Variants in ZNF804B observed in about 807,000 individuals in gnomAD.
ZNF804B encodes zinc finger protein 804B.
ZNF804B carries 80 observed loss-of-function variants against 101.4 expected under a neutral mutation model. That is an observed-to-expected ratio of 0.79 (90% CI 0.66 to 0.95). The LOEUF is 0.95. Ranked by LOEUF, ZNF804B falls within the 40% of genes least tolerant of loss-of-function variation. The pLI, the probability that ZNF804B is intolerant of heterozygous loss-of-function variation, is 0.00. For missense variants in ZNF804B, 1,673 were observed against 1,561.9 expected, an observed-to-expected ratio of 1.07 and a Z score of -1.20; for synonymous variants, 622 against 558.8, an observed-to-expected ratio of 1.11 and a Z score of -1.59.
rs904614902 is a variant in ZNF804B, at chr7:88,870,437, G to A, written c.108+110353G>A. Among the ~76,000 whole-genome samples, 10 of 149,180 alleles carry A rather than the reference G, an allele frequency of 6.7e-5. No individual in the cohort carries two copies. In the East Asian group the frequency reaches 1.2e-3, roughly 18 times the overall value. ...GGTGATTGGAAAACAGCCACTTCCC[G>A]GTTGTCTTAGATGAAATTCCAAGAT... On this transcript the variant is annotated intron_variant, in intron 1 of 3. Transcript: ENST00000333190.
At chr7:88,893,937 C>T (rs1203462776) in intron 1 of ZNF804B, among the ~76,000 whole-genome samples, 1 of 151,922 alleles carries the variant, frequency 6.6e-6, no homozygotes, top group Non-Finnish European at 1.5e-5. Flanking sequence ...AATAAGGAAA[C>T]ATCATGGAAA....
At chr7:89,164,497 GAGA>G (rs1267781449) in intron 1 of ZNF804B, among the ~76,000 whole-genome samples, 1 of 152,016 alleles carries the variant, frequency 6.6e-6, no homozygotes, top group East Asian at 1.9e-4. Context: ...AGCTCACAGG[GAGA>G]AGAACTCAGG....
intron 1 of ZNF804B, among the ~76,000 whole-genome samples, chr7:89,115,997 C>A (rs530834304): frequency 6.6e-6 from 1 of 151,638 alleles, no homozygotes; most frequent in Non-Finnish European, 1.5e-5. Context: ...TTCGACCTCC[C>A]GGGCTCAGAT....
At chr7:89,309,272 C>T (rs1163093926) in intron 2 of ZNF804B, among the ~76,000 whole-genome samples, 2 of 152,114 alleles carry the variant, frequency 1.3e-5, no homozygotes, top group Non-Finnish European at 2.9e-5. Flanking sequence ...TGCGTTAATT[C>T]ACTTAGGATG....
chr7:89,126,345 C>T (rs563033715), intron 1 of ZNF804B, among the ~76,000 whole-genome samples: 36 of 151,976 alleles, frequency 2.4e-4, no homozygotes, highest in African/African-American at 8.4e-4. Flanking sequence ...AAACCACAGC[C>T]ATGGGAGAAA....
At chr7:88,932,536 T>A (rs1792902178) in intron 1 of ZNF804B, among the ~76,000 whole-genome samples, 1 of 151,696 alleles carries the variant, frequency 6.6e-6, no homozygotes, top group Non-Finnish European at 1.5e-5. Flanking sequence ...ATGATCCAAA[T>A]GAGCTCAATT....
intron 2 of ZNF804B, among the ~76,000 whole-genome samples, chr7:89,291,151 C>T (rs1790283717): frequency 6.6e-6 from 1 of 152,048 alleles, no homozygotes; most frequent in Non-Finnish European, 1.5e-5. Flanking sequence ...AAAAATCTTC[C>T]CAAGAAGGGC....
intron 1 of ZNF804B, among the ~76,000 whole-genome samples, chr7:88,769,311 T>C (rs527721491): frequency 6.6e-6 from 1 of 152,354 alleles, no homozygotes; most frequent in Admixed American, 6.5e-5. Context: ...ATGCAGACTA[T>C]TCTACTGATG....
intron 1 of ZNF804B, among the ~76,000 whole-genome samples, chr7:88,898,386 A>G (rs996491211): frequency 3.3e-5 from 5 of 151,704 alleles, no homozygotes; most frequent in African/African-American, 1.2e-4. Context: ...GCGCCCGGCC[A>G]GTTCTCCATT....
At chr7:89,206,782 A>G (rs887092463) in intron 1 of ZNF804B, among the ~76,000 whole-genome samples, 1 of 152,072 alleles carries the variant, frequency 6.6e-6, no homozygotes, top group Non-Finnish European at 1.5e-5. Context: ...AAACAAACCC[A>G]CAAAAATGAA....
At chr7:89,084,851 G>T (rs997753819) in intron 1 of ZNF804B, among the ~76,000 whole-genome samples, 1 of 151,570 alleles carries the variant, frequency 6.6e-6, no homozygotes, top group Admixed American at 6.6e-5. Context: ...ATTCGGACTG[G>T]ATTTTTACTT....
chr7:89,326,084 G>A (rs1408183978), intron 2 of ZNF804B, among the ~76,000 whole-genome samples: 1 of 151,822 alleles, frequency 6.6e-6, no homozygotes, highest in Non-Finnish European at 1.5e-5. Flanking sequence ...GAGAACTATT[G>A]ATCTTTTTTT....
At chr7:89,315,292 C>T (rs925497463) in intron 2 of ZNF804B, among the ~76,000 whole-genome samples, 6 of 152,258 alleles carry the variant, frequency 3.9e-5, no homozygotes, top group African/African-American at 1.2e-4. Context: ...TCACTTCACA[C>T]GAGGCCGCAG....
At chr7:88,945,956 C>A (rs1308172668) in intron 1 of ZNF804B, among the ~76,000 whole-genome samples, 1 of 152,128 alleles carries the variant, frequency 6.6e-6, no homozygotes, top group Non-Finnish European at 1.5e-5. Context: ...TGAGACTTTG[C>A]TGAAGTTGCT....
At chr7:88,870,341 C>A (rs9801414) in intron 1 of ZNF804B, among the ~76,000 whole-genome samples, 1 of 136,184 alleles carries the variant, frequency 7.3e-6, no homozygotes, top group Non-Finnish European at 1.5e-5. Flanking sequence ...GTCGAGATCG[C>A]GCCACTGCAC....
At chr7:89,217,211 A>G (rs1258628489) in intron 1 of ZNF804B, among the ~76,000 whole-genome samples, 8 of 152,244 alleles carry the variant, frequency 5.3e-5, no homozygotes, top group Non-Finnish European at 1.0e-4. Flanking sequence ...GCAGGGTTTG[A>G]TAAAATATGA....
intron 1 of ZNF804B, among the ~76,000 whole-genome samples, chr7:88,840,612 C>A (rs1459777187): frequency 6.6e-6 from 1 of 152,058 alleles, no homozygotes; most frequent in Non-Finnish European, 1.5e-5. Flanking sequence ...ATTTGTAGGA[C>A]ATTAACCATT....
At chr7:89,258,203 G>A (rs1789663544) in intron 2 of ZNF804B, among the ~76,000 whole-genome samples, 1 of 152,044 alleles carries the variant, frequency 6.6e-6, no homozygotes, top group Non-Finnish European at 1.5e-5. Context: ...GTATACTAGA[G>A]GATGTGTATA....
rs752694168 is a variant in ZNF804B at position 88,936,125 on chromosome 7, A to G, written c.108+176041A>G. 2.0e-5 allele frequency among the ~76,000 whole-genome samples: 3 copies of G among 147,182 alleles called. No homozygotes were observed. The Admixed American group carries it at 2.1e-4, about 10-fold the overall frequency. ...CCTTTTTTTTTTTAAAAAAAATAAC[A>G]TATGCCTGTGGTCCTAGAATACTAT... On this transcript the variant is annotated intron_variant, in intron 1 of 3. Transcript: ENST00000333190.
Sources: allele counts gnomAD v4.1 joint callset (sites outside exome capture counted in the v4.1 genomes callset), GRCh38; gene constraint gnomAD v4.1.1; transcripts MANE v1.5; gene names NCBI Gene and HGNC (gene_info 2026-07-23, HGNC 2026-07-21).